Variants in GUCY2F observed in about 807,000 individuals in gnomAD.
The protein encoded by GUCY2F is retinal guanylyl cyclase 2.
Under a neutral mutation model 73.1 loss-of-function variants are expected in GUCY2F, and 61 were observed. The observed-to-expected ratio is 0.83, with a 90% CI of 0.68 to 1.03. The LOEUF is 1.03. Among genes scored for constraint, GUCY2F ranks in the 50% least tolerant of loss-of-function variants. The pLI is 0.00. For missense variants in GUCY2F, 912 were observed against 854.3 expected, an observed-to-expected ratio of 1.07 and a Z score of -0.84; for synonymous variants, 331 against 307.8, an observed-to-expected ratio of 1.08 and a Z score of -0.79.
At position 109,420,991 on chromosome X, in the gene GUCY2F, A is replaced by T. The variant is rs746490433; in HGVS notation, c.1791+9316T>A. ...TATGTTCACAAAAGACATATATAAA[A>T]ATCTTTATAGCTTTCTATGAAAAGA... On this transcript the variant is annotated intron_variant, in intron 8 of 19. Transcript: ENST00000218006. 4.5e-5 allele frequency among the ~76,000 whole-genome samples: 5 copies of T among 111,576 alleles called. No individual in the cohort carries two copies. In the East Asian group the frequency reaches 1.4e-3, roughly 31 times the overall value.
intron 5 of GUCY2F, among the ~76,000 whole-genome samples, chrX:109,449,011 T>C (rs1932083292): frequency 8.9e-6 from 1 of 111,872 alleles, no homozygotes; most frequent in African/African-American, 3.2e-5. Flanking sequence ...ACTGGGTAAC[T>C]TGAAGACCTG....
intron 8 of GUCY2F, among the ~76,000 whole-genome samples, chrX:109,425,335 TTGTG>T (rs755304809): frequency 0.025 from 2,434 of 98,151 alleles, 61 homozygotes; most frequent in African/African-American, 0.068. Flanking sequence ...AAAGAAATTG[TTGTG>T]TGTGTGTGTG....
At chrX:109,431,916 A>G (rs1191534484) in intron 7 of GUCY2F, among the ~76,000 whole-genome samples, 21 of 108,307 alleles carry the variant, frequency 1.9e-4, no homozygotes, top group African/African-American at 4.7e-4. Flanking sequence ...GAAAAAAAAA[A>G]AAAAAAGAAA....
intron 2 of GUCY2F, among the ~76,000 whole-genome samples, chrX:109,473,342 A>C (rs1932612533): frequency 8.9e-6 from 1 of 112,012 alleles, no homozygotes; most frequent in Non-Finnish European, 1.9e-5. Flanking sequence ...AAACAATCTG[A>C]CTAAGCGAAG....
In GUCY2F at chrX:109,475,321, C is replaced by A. The variant is rs1932665249; in HGVS notation, c.616G>T (p.Ala206Ser). Residue 206 changes from alanine (A) to serine (S), a missense_variant, in exon 2 of 20, where the codon GCA (alanine) becomes TCA (serine). Physicochemically the swap from Ala to Ser is moderately conservative, Grantham distance 99. Coordinates refer to ENST00000218006, the MANE Select transcript of GUCY2F (RefSeq NM_001522.3). ...AAGCCGTGGCTCCGAAGAGCACTTG[C>A]GACTCGATTGGCTGTATGCACCCAA... ...DIWVHTANRV[A>S]SALRSHGLPV... 1 of 1,208,965 alleles carries A rather than the reference C, an allele frequency of 8.3e-7. No homozygotes were observed. The highest frequency in any genetic ancestry group is 1.8e-5 in the African/African-American group (1 of 56,915).
chrX:109,386,720 GAAGT>G (rs1930445473), intron 15 of GUCY2F, among the ~76,000 whole-genome samples: 2 of 111,964 alleles, frequency 1.8e-5, no homozygotes, highest in Admixed American at 1.9e-4. Context: ...TGGCCATGAA[GAAGT>G]AATAAGAGAG....
chrX:109,409,179 GA>G lies in GUCY2F; in HGVS notation c.1792-12del, dbSNP rs1931046983. 2.0e-6 allele frequency: 2 copies of G among 1,021,936 alleles called. No individual in the cohort carries two copies. The highest frequency in any genetic ancestry group is 2.2e-5 in the Admixed American group (1 of 45,231). The allele number at this position is 1,021,936 out of a possible 1,213,427, so 84.2% of individuals were successfully genotyped here. On this transcript the variant is annotated splice_polypyrimidine_tract_variant and intron_variant, in intron 8 of 19. Transcript: ENST00000218006. ...ACGCAAGTCCTTCATCTGGAAATGA[GA>G]GACAGAAATGAGAGTCACAGCTGTC...
At chrX:109,466,306 A>C (rs937923101) in intron 2 of GUCY2F, among the ~76,000 whole-genome samples, 3 of 111,682 alleles carry the variant, frequency 2.7e-5, no homozygotes, top group Non-Finnish European at 5.7e-5. Context: ...AAAAGTTTTC[A>C]ATTTTGGAGC....
intron 2 of GUCY2F, among the ~76,000 whole-genome samples, chrX:109,471,053 C>A (rs952570525): frequency 8.9e-6 from 1 of 111,884 alleles, no homozygotes; most frequent in Admixed American, 9.5e-5. Flanking sequence ...TTATTGCTAT[C>A]TTTTTCTTAT....
chrX:109,475,050 G>T (rs1932656927), intron 2 of GUCY2F, among the ~76,000 whole-genome samples, 157 bp downstream of exon 2: 1 of 112,310 alleles, frequency 8.9e-6, no homozygotes, highest in South Asian at 3.7e-4. Context: ...GTTGAAGCAG[G>T]GCAGTCTTGG....
rs763598346 is a variant in GUCY2F at position 109,398,625 on chromosome X, G to T, written c.2199C>A (p.Val733=). 8.3e-7 allele frequency: 1 copy of T among 1,205,433 alleles called. No homozygotes were observed. The highest frequency in any genetic ancestry group is 1.1e-6 in the Non-Finnish European group (1 of 891,191). Residue 733 remains valine (V), a synonymous_variant, in exon 11 of 20, where the codon GTC becomes GTA. Transcript: ENST00000218006. ...CTTGCATGATGATGGCAAAGCTATAGACATCTCCTGCAAAAGAACCTAACC... is the reference window on the plus strand; with the variant it reads ...CTTGCATGATGATGGCAAAGCTATATACATCTCCTGCAAAAGAACCTAACC... ...GSRLGSFAGD[V]YSFAIIMQEV...
At chrX:109,386,269 C>A (rs1026802894) in intron 15 of GUCY2F, among the ~76,000 whole-genome samples, 2 of 112,092 alleles carry the variant, frequency 1.8e-5, no homozygotes, top group Non-Finnish European at 3.8e-5. Flanking sequence ...GAAGCACAGA[C>A]AGAGGTGCTA....
intron 10 of GUCY2F, among the ~76,000 whole-genome samples, chrX:109,399,919 G>A (rs1930798876): frequency 9.4e-6 from 1 of 106,071 alleles, no homozygotes; most frequent in South Asian, 4.5e-4. Flanking sequence ...GAAGAGAAGG[G>A]CTCTGTTAAG....
intron 16 of GUCY2F, among the ~76,000 whole-genome samples, chrX:109,384,776 CA>C (rs1432760786): frequency 1.8e-5 from 2 of 111,664 alleles, no homozygotes; most frequent in Non-Finnish European, 3.8e-5. Context: ...CAGCTGGCTT[CA>C]GTGCGTCTCC....
rs1028826188 is a variant in GUCY2F at position 109,385,297 on chromosome X, G to A, written c.2957-15C>T. The A allele has an allele frequency of 4.1e-6, 4 of 986,021 alleles. No homozygotes were observed. The highest frequency in any genetic ancestry group is 5.7e-6 in the Non-Finnish European group (4 of 696,858). The allele number at this position is 986,021 out of a possible 1,213,427, so 81.3% of individuals were successfully genotyped here. A position where few individuals can be genotyped will look rare whatever the true frequency, so the allele number is the denominator to read the frequency against. On this transcript the variant is annotated splice_polypyrimidine_tract_variant and intron_variant, in intron 15 of 19. Coordinates refer to ENST00000218006, the MANE Select transcript of GUCY2F (RefSeq NM_001522.3). ...AACAACCGGCCCTATAGAGTATCAGGGGGTTGGAATTACAGTCAACAGGTA... is the reference window on the plus strand; with the variant it reads ...AACAACCGGCCCTATAGAGTATCAGAGGGTTGGAATTACAGTCAACAGGTA...
intron 2 of GUCY2F, among the ~76,000 whole-genome samples, chrX:109,465,839 T>C (rs1202590989): frequency 1.8e-5 from 2 of 112,340 alleles, no homozygotes; most frequent in East Asian, 5.5e-4. Context: ...GATAACAATA[T>C]ATACTTATGG....
chrX:109,437,283 T>C (rs1428788794), intron 7 of GUCY2F, among the ~76,000 whole-genome samples: 3 of 111,804 alleles, frequency 2.7e-5, no homozygotes, highest in Non-Finnish European at 5.6e-5. Flanking sequence ...TTTGTAAAAA[T>C]AAAGTCCCCA....
Position 109,448,121 on chromosome X carries a change from A to G in GUCY2F, c.1517T>C (p.Ile506Thr), listed in dbSNP as rs776486432. ...KIQLIKGPNR[I>T]LLTLEDVTFI... ...CGTTACATCCTCCAAAGTCAGTAGA[A>G]TTCTATTGGGTCCTTTGATCAACTG... The change falls in exon 6 of 20, where the codon ATT becomes ACT. Residue 506 changes from isoleucine (I) to threonine (T), a missense_variant. Ile to Thr is a moderately conservative substitution (Grantham distance 89). Transcript: ENST00000218006. 7.1e-6 allele frequency: 8 copies of G among 1,129,372 alleles called. No homozygotes were observed. The highest frequency in any genetic ancestry group is 9.7e-6 in the Non-Finnish European group (8 of 822,352). The allele number at this position is 1,129,372 out of a possible 1,213,427, so 93.1% of individuals were successfully genotyped here. A position where few individuals can be genotyped will look rare whatever the true frequency, so the allele number is the denominator to read the frequency against.
chrX:109,430,359 T>G lies in GUCY2F; in HGVS notation c.1739A>C (p.Asp580Ala). The G allele has an allele frequency of 8.7e-7, 1 of 1,145,717 alleles. No individual in the cohort carries two copies. The highest frequency in any genetic ancestry group is 1.2e-6 in the Non-Finnish European group (1 of 835,223). 94.4% of individuals were successfully genotyped at this position (1,145,717 alleles called of 1,213,427 possible). Reference sequence around the variant, plus strand: ...TTTGATGGACTTAAGGTCTCCAAAATCTCCAAGGGAGAACTTTTTCAGCCA... The same window carrying G: ...TTTGATGGACTTAAGGTCTCCAAAAGCTCCAAGGGAGAACTTTTTCAGCCA... ...WVWLKKFSLG[D>A]FGDLKSIKSR... Residue 580 changes from aspartate to alanine, a missense_variant, in exon 8 of 20, where the codon GAT becomes GCT. Coordinates refer to ENST00000218006, the MANE Select transcript of GUCY2F (RefSeq NM_001522.3).
Sources: allele counts gnomAD v4.1 joint callset (sites outside exome capture counted in the v4.1 genomes callset), GRCh38; gene constraint gnomAD v4.1.1; transcripts MANE v1.5; gene names NCBI Gene and HGNC (gene_info 2026-07-23, HGNC 2026-07-21).